AGMO: variants seen among roughly 807,000 people sequenced by gnomAD.
AGMO encodes the protein alkylglycerol monooxygenase, also known as glyceryl-ether monooxygenase.
In AGMO, 75 loss-of-function variants were observed where a neutral mutation model predicts 60.2. The observed-to-expected ratio is 1.25, with a 90% confidence interval of 1.03 to 1.51. AGMO has a LOEUF of 1.51. Among genes scored for constraint, AGMO ranks in the 40% most tolerant of loss-of-function variants. The pLI is 0.00. For synonymous variants in AGMO, 261 were observed against 177.1 expected (o/e 1.47, Z -3.76); for missense variants, 763 against 525.5 (o/e 1.45, Z -4.42).
At chr7:15,460,579 G>A (rs1017593914) in intron 3 of AGMO, among the ~76,000 whole-genome samples, 3 of 151,846 alleles carry the variant, frequency 2.0e-5, no homozygotes, top group African/African-American at 7.3e-5. Context: ...TACATATTGT[G>A]TCAAAAATTT....
At chr7:15,365,204 T>G (rs762896701) in intron 12 of AGMO, among the ~76,000 whole-genome samples, 1 of 151,796 alleles carries the variant, frequency 6.6e-6, no homozygotes, top group South Asian at 2.1e-4. Context: ...GTAAAATCAA[T>G]TCTTCCACTT....
chr7:15,158,687 C>A, the AGMO span, among the ~76,000 whole-genome samples: 1 of 152,138 alleles, frequency 6.6e-6, no homozygotes, highest in Non-Finnish European at 1.5e-5. Flanking sequence ...AAAGCAGAAT[C>A]GTTCAGTCTG....
At chr7:15,354,506 A>ACACGTG (rs1210926252) in intron 12 of AGMO, among the ~76,000 whole-genome samples, 3 of 51,022 alleles carry the variant, frequency 5.9e-5, no homozygotes, top group Non-Finnish European at 1.1e-4. Flanking sequence ...GTATATATAT[A>ACACGTG]TATATATATA....
intron 8 of AGMO, among the ~76,000 whole-genome samples, chr7:15,388,100 G>A (rs1057391930): frequency 6.6e-6 from 1 of 151,936 alleles, no homozygotes. Context: ...TGGCGACAGG[G>A]TTTCTGTTTT....
chr7:15,186,670 T>C, the AGMO span, among the ~76,000 whole-genome samples: 1 of 152,196 alleles, frequency 6.6e-6, no homozygotes, highest in Non-Finnish European at 1.5e-5. Flanking sequence ...TTAATATAAA[T>C]TTTATAGCTC....
the AGMO span, among the ~76,000 whole-genome samples, chr7:15,141,123 C>T: frequency 6.6e-6 from 1 of 152,158 alleles, no homozygotes; most frequent in South Asian, 2.1e-4. Flanking sequence ...ATAGTCCAGT[C>T]ACCTGATCCT....
rs73679449 is a variant in AGMO, at chr7:15,221,980, T to C, written c.1264-20621A>G. 9.9e-3 allele frequency among the ~76,000 whole-genome samples: 1,500 copies of C among 152,202 alleles called. 23 individuals are homozygous for C. The highest frequency in any genetic ancestry group is 0.034 in the African/African-American group (1,422 of 41,550). On this transcript the variant is annotated intron_variant, in intron 12 of 12. Transcript: ENST00000342526. ...ATTTCAAACTTCACAACAAAACATA[T>C]AGAGTGTTTACATAATTTTCTTATG...
chr7:15,374,450 A>G (rs1783363669), intron 10 of AGMO, among the ~76,000 whole-genome samples: 1 of 152,156 alleles, frequency 6.6e-6, no homozygotes, highest in Admixed American at 6.6e-5. Context: ...ATTGTAAGAA[A>G]TAAAAGCCAA....
intron 5 of AGMO, among the ~76,000 whole-genome samples, chr7:15,408,267 T>G (rs1784756647): frequency 1.3e-5 from 2 of 151,828 alleles, no homozygotes; most frequent in Non-Finnish European, 2.9e-5. Flanking sequence ...TGATTTTATC[T>G]TGGGGACAAG....
chr7:15,141,065 T>G, the AGMO span, among the ~76,000 whole-genome samples: 2 of 152,126 alleles, frequency 1.3e-5, no homozygotes, highest in Admixed American at 1.3e-4. Context: ...CTTCTAGGAT[T>G]CTGGCATTAA....
At chr7:15,360,036 G>A (rs1445942900) in intron 12 of AGMO, among the ~76,000 whole-genome samples, 1 of 152,132 alleles carries the variant, frequency 6.6e-6, no homozygotes, top group Non-Finnish European at 1.5e-5. Flanking sequence ...TAGTTGTACT[G>A]AAGCTTTTGG....
intron 3 of AGMO, among the ~76,000 whole-genome samples, chr7:15,509,379 AAAAT>A (rs540328582): frequency 0.014 from 2,099 of 151,644 alleles, 43 homozygotes; most frequent in African/African-American, 0.048. Flanking sequence ...TGCAAAAAAA[AAAAT>A]AAAAATGAAA....
intron 3 of AGMO, among the ~76,000 whole-genome samples, chr7:15,487,379 G>A (rs1782951557): frequency 6.6e-6 from 1 of 151,984 alleles, no homozygotes. Context: ...ACCTCCTTGT[G>A]CTGGCAGGTT....
intron 12 of AGMO, among the ~76,000 whole-genome samples, chr7:15,238,794 T>C (rs1002089992): frequency 1.3e-5 from 2 of 152,044 alleles, no homozygotes; most frequent in Non-Finnish European, 2.9e-5. Flanking sequence ...GCATCCCTTT[T>C]ATGCAATAAA....
In AGMO at chr7:15,251,264, C is replaced by T. The variant is rs556323460; in HGVS notation, c.1264-49905G>A. Reference sequence around the variant, plus strand: ...TGACCAATATGAGCCAATTAGATACCCTCCTAGAGATTTGGAATTTTGAAC... The same window carrying T: ...TGACCAATATGAGCCAATTAGATACTCTCCTAGAGATTTGGAATTTTGAAC... On this transcript the variant is annotated intron_variant, in intron 12 of 12. Transcript: ENST00000342526. Among the ~76,000 whole-genome samples the T allele has an allele frequency of 2.1e-3, 326 of 152,052 alleles. 1 individual carries two copies. Among genetic ancestry groups the T allele is most frequent in the Non-Finnish European group, 3.6e-3 (247 of 67,996 alleles).
the AGMO span, among the ~76,000 whole-genome samples, chr7:15,140,362 T>A: frequency 6.6e-6 from 1 of 152,204 alleles, no homozygotes; most frequent in East Asian, 1.9e-4. Flanking sequence ...TCTTTTAAGA[T>A]ATTTATTTTT....
chr7:15,362,547 T>C (rs1446418529), intron 12 of AGMO, among the ~76,000 whole-genome samples: 1 of 152,214 alleles, frequency 6.6e-6, no homozygotes, highest in African/African-American at 2.4e-5. Flanking sequence ...CACCAAACCA[T>C]GTGAATTAAA....
At chr7:15,296,814 A>T (rs531069669) in intron 12 of AGMO, among the ~76,000 whole-genome samples, 1 of 152,276 alleles carries the variant, frequency 6.6e-6, no homozygotes, top group African/African-American at 2.4e-5. Context: ...CTGCAGTAAC[A>T]CAACTACAAA....
At chr7:15,460,393 T>C (rs1475169892) in intron 3 of AGMO, among the ~76,000 whole-genome samples, 1 of 152,156 alleles carries the variant, frequency 6.6e-6, no homozygotes, top group African/African-American at 2.4e-5. Context: ...TGGAAGTCCA[T>C]ACTTTTAAAT....
Sources: allele counts gnomAD v4.1 joint callset (sites outside exome capture counted in the v4.1 genomes callset), GRCh38; gene constraint gnomAD v4.1.1; transcripts MANE v1.5; gene names NCBI Gene and HGNC (gene_info 2026-07-23, HGNC 2026-07-21).